The following GPC1 variants were observed in gnomAD, a reference collection of about 807,000 sequenced individuals.
GPC1 encodes glypican-1.
In GPC1, 26 loss-of-function variants were observed where a neutral mutation model predicts 51.5. That is an observed-to-expected ratio of 0.50 (90% CI 0.37 to 0.70). The LOEUF is 0.70. GPC1 is among the 30% of genes least tolerant of loss of function. GPC1 has a pLI of 0.00. For synonymous variants in GPC1, 380 were observed against 348.3 expected, an observed-to-expected ratio of 1.09 and a Z score of -1.01; for missense variants, 775 against 800.5, an observed-to-expected ratio of 0.97 and a Z score of 0.38.
rs776647647 is a variant in GPC1, at chr2:240,466,371, C to T, written c.*81C>T. 3.7e-4 allele frequency: 301 copies of T among 803,882 alleles called. No homozygotes were observed. Among genetic ancestry groups the T allele is most frequent in the Middle Eastern group, 2.1e-3 (9 of 4,322 alleles). 49.8% of individuals were successfully genotyped at this position (803,882 alleles called of 1,614,324 possible). On this transcript the variant is annotated 3_prime_UTR_variant, in exon 9 of 9. Coordinates refer to ENST00000264039, the MANE Select transcript of GPC1 (RefSeq NM_002081.3). Reference sequence around the variant, plus strand: ...ACAGACGATATTTAATTCACCTCAGCCTGGAGAGGCCTGGGGTGGGACAGG... The same window carrying T: ...ACAGACGATATTTAATTCACCTCAGTCTGGAGAGGCCTGGGGTGGGACAGG...
chr2:240,443,477 A>G (rs1335381023), intron 1 of GPC1, among the ~76,000 whole-genome samples: 2 of 152,130 alleles, frequency 1.3e-5, no homozygotes, highest in Non-Finnish European at 2.9e-5. Context: ...TGGCAGGGTG[A>G]CAGGGCAGCC....
intron 1 of GPC1, among the ~76,000 whole-genome samples, chr2:240,455,180 G>A (rs558059500): frequency 1.1e-4 from 16 of 152,120 alleles, no homozygotes; most frequent in Non-Finnish European, 2.9e-5. Context: ...AGGAGCCTGG[G>A]AACTGGAGAC....
chr2:240,464,652 C>T lies in GPC1; in HGVS notation c.920C>T (p.Thr307Ile). 1 of 1,610,610 alleles carries T rather than the reference C, an allele frequency of 6.2e-7. No homozygotes were observed. The highest frequency in any genetic ancestry group is 1.3e-5 in the African/African-American group (1 of 74,296). ...MVLITDKFWG[T>I]SGVESVIGSV... ...CTCATCACCGACAAGTTCTGGGGTA[C>T]ATCGGGTGTGGAGAGTGTCATCGGC... Residue 307 changes from threonine (T) to isoleucine (I), a missense_variant, in exon 5 of 9, where the codon ACA (threonine) becomes ATA (isoleucine). Transcript: ENST00000264039.
intron 1 of GPC1, chr2:240,449,685 T>C: frequency 2.7e-6 from 1 of 365,116 alleles, no homozygotes; most frequent in South Asian, 2.1e-5. Flanking sequence ...ACTGAAACTC[T>C]GTCCCCATTA....
chr2:240,436,809 G>T (rs991809204), intron 1 of GPC1, among the ~76,000 whole-genome samples: 1 of 152,252 alleles, frequency 6.6e-6, no homozygotes, highest in African/African-American at 2.4e-5. Context: ...CCAGCTGCAG[G>T]TGGTCGGCGC....
At chr2:240,439,788 C>T (rs766278240) in intron 1 of GPC1, among the ~76,000 whole-genome samples, 18 of 152,228 alleles carry the variant, frequency 1.2e-4, no homozygotes, top group Non-Finnish European at 1.9e-4. Flanking sequence ...CTGTCCTGTC[C>T]AGGTGGCTCA....
At chr2:240,440,565 C>T (rs577964687) in intron 1 of GPC1, among the ~76,000 whole-genome samples, 1 of 150,632 alleles carries the variant, frequency 6.6e-6, no homozygotes, top group African/African-American at 2.4e-5. Context: ...TCCGGTCCTG[C>T]CCAGCTCCTC....
rs771806103 is a variant in GPC1 at position 240,466,077 on chromosome 2, G to A, written c.1464G>A (p.Ser488=). 8.1e-6 allele frequency: 13 copies of A among 1,610,170 alleles called. No individual in the cohort carries two copies. Among genetic ancestry groups the A allele is most frequent in the Non-Finnish European group, 1.0e-5 (12 of 1,178,788 alleles). Residue 488 remains serine, a synonymous_variant, in exon 9 of 9, where the codon TCG becomes TCA. Coordinates refer to ENST00000264039, the MANE Select transcript of GPC1 (RefSeq NM_002081.3). ...TCCCAGGTGACGACGGCAGCGGCTC[G>A]GGCAGCGGTGATGGCTGTCTGGATG... ...FQDASDDGSG[S]GSGDGCLDDL...
At chr2:240,439,079 C>T (rs1164517773) in intron 1 of GPC1, among the ~76,000 whole-genome samples, 1 of 152,210 alleles carries the variant, frequency 6.6e-6, no homozygotes, top group Non-Finnish European at 1.5e-5. Context: ...CCTGTCTGGC[C>T]TCCTGATGTC....
intron 1 of GPC1, chr2:240,450,617 T>G (rs1432714656): frequency 6.4e-6 from 3 of 470,740 alleles, no homozygotes; most frequent in African/African-American, 6.0e-5. Flanking sequence ...TCACCATGTG[T>G]GACCTCCCAT....
Position 240,436,057 on chromosome 2 carries a change from A to T in GPC1, c.139A>T (p.Ser47Cys). Residue 47 changes from serine (S) to cysteine (C), a missense_variant, in exon 1 of 9, where the codon AGC (serine) becomes TGC (cysteine). Transcript: ENST00000264039. ...QIYGAKGFSL[S>C]DVPQAEISGE... ...CTACGGAGCCAAGGGCTTCAGCCTG[A>T]GCGACGTGCCCCAGGCGGAGATCTC... 1 of 1,334,014 alleles carries T rather than the reference A, an allele frequency of 7.5e-7. No homozygotes were observed. The highest frequency in any genetic ancestry group is 9.6e-7 in the Non-Finnish European group (1 of 1,040,160). 82.6% of individuals were successfully genotyped at this position (1,334,014 alleles called of 1,614,324 possible).
chr2:240,464,552 T>C (rs902912216), intron 4 of GPC1, 64 bp from the exon 5 acceptor site: 1 of 295,476 alleles, frequency 3.4e-6, no homozygotes, highest in Non-Finnish European at 5.0e-6. Flanking sequence ...CGCCTGCGTG[T>C]GCGTGTCAAC....
At chr2:240,450,065 T>TC (rs2074083625) in intron 1 of GPC1, 1 of 367,544 alleles carries the variant, frequency 2.7e-6, no homozygotes. Flanking sequence ...CCAAATACTT[T>TC]CATACTGTAC....
chr2:240,443,336 G>A (rs1208580495), intron 1 of GPC1, among the ~76,000 whole-genome samples: 4 of 152,268 alleles, frequency 2.6e-5, no homozygotes, highest in Non-Finnish European at 5.9e-5. Flanking sequence ...TGCAGGGCGA[G>A]GGTTTGGAGA....
chr2:240,456,428 A>T (rs1464997168), intron 1 of GPC1, among the ~76,000 whole-genome samples: 1 of 151,992 alleles, frequency 6.6e-6, no homozygotes, highest in Non-Finnish European at 1.5e-5. Flanking sequence ...CCTAGTCCTG[A>T]GTCTTGGACC....
chr2:240,437,710 G>A (rs2073992874), intron 1 of GPC1, among the ~76,000 whole-genome samples: 1 of 152,208 alleles, frequency 6.6e-6, no homozygotes, highest in Non-Finnish European at 1.5e-5. Context: ...AGGCACCAGG[G>A]TAGCAGAGTG....
chr2:240,445,860 G>C (rs76922667), intron 1 of GPC1, among the ~76,000 whole-genome samples: 8,201 of 152,244 alleles, frequency 0.054, 284 homozygotes, highest in African/African-American at 0.095. Context: ...ACTTTGAATT[G>C]TAGTCAGTAT....
In GPC1 at chr2:240,459,146, G is replaced by A. The variant is rs146749086; in HGVS notation, c.283G>A (p.Val95Ile). The A allele has an allele frequency of 1.8e-4, 285 of 1,612,462 alleles. No homozygotes were observed. The highest frequency in any genetic ancestry group is 2.2e-4 in the Non-Finnish European group (261 of 1,179,858). The change falls in exon 2 of 9, where the codon GTC becomes ATC. Residue 95 changes from valine (V) to isoleucine (I), a missense_variant. Coordinates refer to ENST00000264039, the MANE Select transcript of GPC1 (RefSeq NM_002081.3). ...LETALRDSSR[V>I]LQAMLATQLR... ...GACCGCGCTCCGGGACAGCAGCCGC[G>A]TCCTGCAGGCCATGCTTGCCACCCA...
chr2:240,453,944 C>T (rs1162583528), intron 1 of GPC1, among the ~76,000 whole-genome samples: 1 of 152,146 alleles, frequency 6.6e-6, no homozygotes, highest in Non-Finnish European at 1.5e-5. Flanking sequence ...CGCGGACCCT[C>T]CCACCCGGGG....
Sources: allele counts gnomAD v4.1 joint callset (sites outside exome capture counted in the v4.1 genomes callset), GRCh38; gene constraint gnomAD v4.1.1; transcripts MANE v1.5; gene names NCBI Gene and HGNC (gene_info 2026-07-23, HGNC 2026-07-21).